The following LAMA3 variants were observed in gnomAD, a reference collection of about 807,000 sequenced individuals.
LAMA3 encodes laminin subunit alpha-3.
A neutral mutation model predicts 402.0 loss-of-function variants in LAMA3; 281 were observed. That is an observed-to-expected ratio of 0.70 (90% CI 0.63 to 0.77). The LOEUF is 0.77. LAMA3 is among the 30% of genes least tolerant of loss of function. LAMA3 has a pLI of 0.00. For synonymous variants in LAMA3, 1,431 were observed against 1,558.4 expected (o/e 0.92, Z 1.93); for missense variants, 3,840 against 4,215.5 (o/e 0.91, Z 2.47).
Position 23,912,768 on chromosome 18 carries a change from G to T in LAMA3, c.7216G>T (p.Asp2406Tyr). 3 of 1,614,084 alleles carry T rather than the reference G, an allele frequency of 1.9e-6. No individual in the cohort carries two copies. The highest frequency in any genetic ancestry group is 2.5e-6 in the Non-Finnish European group (3 of 1,179,966). Residue 2406 changes from aspartate (D) to tyrosine (Y), a missense_variant, in exon 56 of 75, where the codon GAC becomes TAC. Physicochemically the swap from Asp to Tyr is radical, Grantham distance 160. This residue lies in a region of LAMA3 where 891 missense variants were observed against 857.5 expected (regional missense o/e 1.04). Transcript: ENST00000313654. ...KSGVEVRLPN[D>Y]LEDLKGYTSL... is the part of the protein sequence containing the mutation. ...TGGAGTCGAAGTCCGACTGCCAAATGACCTGGAAGATTTGAAAGGATATAC... is the reference window on the plus strand; with the variant it reads ...TGGAGTCGAAGTCCGACTGCCAAATTACCTGGAAGATTTGAAAGGATATAC...
intron 12 of LAMA3, chr18:23,796,031 GA>G: frequency 4.7e-6 from 2 of 428,514 alleles, no homozygotes; most frequent in Non-Finnish European, 9.3e-6. Flanking sequence ...AGGACCCAGT[GA>G]AAAGGTGGCC....
At position 23,928,688 on chromosome 18, in the gene LAMA3, C is replaced by T; in HGVS notation, c.8359C>T (p.Pro2787Ser). 5 of 1,613,622 alleles carry T rather than the reference C, an allele frequency of 3.1e-6. No individual in the cohort carries two copies. In the South Asian group the frequency reaches 4.4e-5, roughly 14 times the overall value. ...GAGTTTCACTGATTTGGGCTTACCACCTACTGACCACCTCCAGGCCTCATT... is the reference window on the plus strand; with the variant it reads ...GAGTTTCACTGATTTGGGCTTACCATCTACTGACCACCTCCAGGCCTCATT... ...QLSFTDLGLP[P>S]TDHLQASFGF... is the part of the protein sequence containing the mutation. The change falls in exon 64 of 75, where the codon CCT becomes TCT. Residue 2787 changes from proline (P) to serine (S), a missense_variant. By Grantham distance (74) the Pro-to-Ser change is moderately conservative. Around this residue, in one of 3 missense-constraint regions of LAMA3, gnomAD observed 840 missense variants for 981.9 expected, o/e 0.86. Transcript: ENST00000313654.
chr18:23,700,163 G>A (rs1161408032), intron 1 of LAMA3, among the ~76,000 whole-genome samples: 1 of 151,336 alleles, frequency 6.6e-6, no homozygotes, highest in Non-Finnish European at 1.5e-5. Context: ...TCTTACTTTC[G>A]GGAATGCCCT....
At chr18:23,915,937 T>A (rs1376980107) in intron 59 of LAMA3, among the ~76,000 whole-genome samples, 1 of 130,906 alleles carries the variant, frequency 7.6e-6, no homozygotes, top group Non-Finnish European at 1.5e-5. Context: ...ACTCGGGAGG[T>A]CAAGGTTGCA....
intron 68 of LAMA3, among the ~76,000 whole-genome samples, chr18:23,942,792 G>A (rs2082571099): frequency 6.6e-6 from 1 of 152,072 alleles, no homozygotes; most frequent in Non-Finnish European, 1.5e-5. Flanking sequence ...TGGCCAGGCT[G>A]GTCTTGAACT....
In LAMA3 at chr18:23,783,047, G is replaced by C. The variant is rs547554771; in HGVS notation, c.1469-976G>C. On this transcript the variant is annotated intron_variant, in intron 11 of 74. Coordinates refer to ENST00000313654, the MANE Select transcript of LAMA3 (RefSeq NM_198129.4). ...TTTCTCTCAATTGTGTGGGTTGGCT[G>C]GGCGGGTCTTCTGCTGGACTTGCTG... 7.9e-5 allele frequency among the ~76,000 whole-genome samples: 12 copies of C among 152,208 alleles called. No individual in the cohort carries two copies. The East Asian group carries it at 2.3e-3, about 29-fold the overall frequency.
At chr18:23,848,381 G>A (rs2063869546) in intron 32 of LAMA3, among the ~76,000 whole-genome samples, 1 of 152,218 alleles carries the variant, frequency 6.6e-6, no homozygotes, top group African/African-American at 2.4e-5. Flanking sequence ...GGAGGCCGGT[G>A]TCACATGGTT....
chr18:23,824,633 G>A, intron 21 of LAMA3, 68 bp downstream of exon 21: 1 of 1,529,186 alleles, frequency 6.5e-7, no homozygotes, highest in Non-Finnish European at 9.1e-7. Flanking sequence ...TTCCATCCAA[G>A]ACTACAATCC....
Position 23,716,882 on chromosome 18 carries a change from A to C in LAMA3, c.447+2810A>C, listed in dbSNP as rs188481595. On this transcript the variant is annotated intron_variant, in intron 2 of 74. Coordinates refer to ENST00000313654, the MANE Select transcript of LAMA3 (RefSeq NM_198129.4). ...GTTTCCTCATTTATAAAATGAGATA[A>C]TTGTGCATCCCTCATAAGATTATTA... Among the ~76,000 whole-genome samples the C allele has an allele frequency of 2.6e-5, 4 of 152,318 alleles. No homozygotes were observed. In the East Asian group the frequency reaches 7.7e-4, roughly 29 times the overall value.
At chr18:23,896,379 G>A (rs374367218) in intron 44 of LAMA3, among the ~76,000 whole-genome samples, 4 of 152,256 alleles carry the variant, frequency 2.6e-5, no homozygotes, top group African/African-American at 7.2e-5. Flanking sequence ...AAAAAGAAAT[G>A]TGTTGTTTAA....
At chr18:23,770,781 CA>C (rs964000040) in intron 8 of LAMA3, among the ~76,000 whole-genome samples, 4 of 151,470 alleles carry the variant, frequency 2.6e-5, no homozygotes, top group African/African-American at 4.8e-5. Context: ...CAAAACAAAA[CA>C]AAAAAAAGAG....
At chr18:23,746,500 G>A (rs183984634) in intron 2 of LAMA3, among the ~76,000 whole-genome samples, 265 of 152,266 alleles carry the variant, frequency 1.7e-3, no homozygotes, top group African/African-American at 6.1e-3. Flanking sequence ...GAAGAAGCAG[G>A]TGTGGGAATC....
intron 69 of LAMA3, 136 bp downstream of exon 69, chr18:23,944,107 G>T (rs1012079706): frequency 8.4e-6 from 7 of 837,602 alleles, no homozygotes; most frequent in African/African-American, 1.7e-5. Context: ...CAGGCGCTGC[G>T]TTCCCAGCAT....
intron 62 of LAMA3, among the ~76,000 whole-genome samples, chr18:23,927,823 G>A (rs756146084): frequency 6.6e-5 from 10 of 152,134 alleles, no homozygotes; most frequent in Admixed American, 5.9e-4. Flanking sequence ...GGGGAGGGAC[G>A]GGCAGTTCTA....
intron 18 of LAMA3, among the ~76,000 whole-genome samples, chr18:23,818,140 G>A (rs890890760): frequency 1.2e-4 from 18 of 152,192 alleles, no homozygotes; most frequent in Non-Finnish European, 2.4e-4. Context: ...GGGTGACAGA[G>A]TGAGACTCCG....
intron 25 of LAMA3, among the ~76,000 whole-genome samples, chr18:23,838,284 T>C (rs957017096): frequency 1.3e-5 from 2 of 152,234 alleles, no homozygotes; most frequent in Non-Finnish European, 2.9e-5. Context: ...AAAAACTAGC[T>C]CTGGAGACAG....
chr18:23,703,804 G>C (rs1049856768), intron 1 of LAMA3, among the ~76,000 whole-genome samples: 1 of 152,116 alleles, frequency 6.6e-6, no homozygotes, highest in Admixed American at 6.5e-5. Context: ...TGTGGGAGTC[G>C]CAGAGCTGGG....
chr18:23,921,820 G>A (rs1267865005), intron 62 of LAMA3, among the ~76,000 whole-genome samples: 2 of 152,208 alleles, frequency 1.3e-5, no homozygotes, highest in African/African-American at 4.8e-5. Context: ...TGTCATTCTC[G>A]GGAGGGGAGG....
chr18:23,712,420 A>G (rs2061010406), intron 1 of LAMA3, among the ~76,000 whole-genome samples: 1 of 151,102 alleles, frequency 6.6e-6, no homozygotes, highest in Admixed American at 6.6e-5. Flanking sequence ...GCACCATATT[A>G]TGACAATGCA....
Sources: gnomAD v4.1 joint callset for allele counts (sites outside exome capture counted in the v4.1 genomes callset) on GRCh38, gnomAD v4.1.1 for gene constraint, gnomAD v4.1.1 regional missense constraint, MANE v1.5 for transcripts, NCBI Gene and HGNC (gene_info 2026-07-23, HGNC 2026-07-21) for gene names.